CRB1: variants seen among roughly 807,000 people sequenced by gnomAD.
CRB1 encodes the protein protein crumbs homolog 1.
In CRB1, 83 loss-of-function variants were observed where a neutral mutation model predicts 120.0. That is an observed-to-expected ratio of 0.69 (90% CI 0.58 to 0.83). CRB1 has a LOEUF of 0.83. Among genes scored for constraint, CRB1 ranks in the 40% least tolerant of loss-of-function variants. The probability of loss-of-function intolerance (pLI) is 0.00; values close to 1 mark genes in which losing one functional copy is unlikely to be tolerated. For missense variants in CRB1, 1,699 were observed against 1,687.6 expected, an observed-to-expected ratio of 1.01 and a Z score of -0.12; for synonymous variants, 625 against 612.5, an observed-to-expected ratio of 1.02 and a Z score of -0.30.
chr1:197,428,708 A>G (rs573577437), intron 7 of CRB1, among the ~76,000 whole-genome samples: 22 of 152,334 alleles, frequency 1.4e-4, no homozygotes, highest in African/African-American at 5.1e-4. Context: ...ACTAGGCACT[A>G]TTTTACATGG....
At chr1:197,355,065 T>TTGGCCG (rs1558076583) in intron 4 of CRB1, among the ~76,000 whole-genome samples, 5 of 150,994 alleles carry the variant, frequency 3.3e-5, no homozygotes. Flanking sequence ...ACAGAGTGCC[T>TTGGCCG]ATTGTTGCAT....
the CRB1 span, among the ~76,000 whole-genome samples, chr1:197,249,527 G>A: frequency 6.6e-6 from 1 of 151,988 alleles, no homozygotes; most frequent in African/African-American, 2.4e-5. Flanking sequence ...TAATATGACA[G>A]GAAATAGTAC....
At chr1:197,293,880 A>G (rs2125242423) in intron 1 of CRB1, among the ~76,000 whole-genome samples, 1 of 152,280 alleles carries the variant, frequency 6.6e-6, no homozygotes, top group Middle Eastern at 3.4e-3. Context: ...CTGAAACTGG[A>G]TCCCTTCCTT....
chr1:197,471,708 G>T (rs1666986158), intron 11 of CRB1, among the ~76,000 whole-genome samples: 1 of 152,132 alleles, frequency 6.6e-6, no homozygotes, highest in South Asian at 2.1e-4. Context: ...AGTGGACAGT[G>T]TATTTATGGT....
At chr1:197,296,553 C>T (rs1396227323) in intron 1 of CRB1, among the ~76,000 whole-genome samples, 2 of 152,016 alleles carry the variant, frequency 1.3e-5, no homozygotes, top group African/African-American at 4.8e-5. Flanking sequence ...GACTTCAGAA[C>T]TAAAGTGAAG....
rs575938730 is a variant in CRB1 at position 197,376,267 on chromosome 1, C to T, written c.1171+19254C>T. Among the ~76,000 whole-genome samples, 8 of 152,114 alleles carry T rather than the reference C, an allele frequency of 5.3e-5. No homozygotes were observed. The South Asian group carries it at 1.5e-3, about 28-fold the overall frequency. ...CAACATCTAAATTTTTGTCTCCAGC[C>T]CTAGCTCCTCTCTTGAACTTCCCTT... On this transcript the variant is annotated intron_variant, in intron 5 of 11. Coordinates refer to ENST00000367400, the MANE Select transcript of CRB1 (RefSeq NM_201253.3).
intron 1 of CRB1, among the ~76,000 whole-genome samples, chr1:197,288,896 AGAGT>A (rs1418254014): frequency 1.3e-5 from 2 of 151,742 alleles, no homozygotes; most frequent in Non-Finnish European, 2.9e-5. Context: ...CCTGAAAAAG[AGAGT>A]GAGAATAAAA....
At chr1:197,223,080 G>A in the CRB1 span, 1 of 793,640 alleles carries the variant, frequency 1.3e-6, no homozygotes, top group Non-Finnish European at 2.3e-6. Context: ...AACCCAGCAA[G>A]TCCCTATAAC....
intron 1 of CRB1, among the ~76,000 whole-genome samples, chr1:197,327,292 C>A (rs182219701): frequency 1.3e-5 from 2 of 152,150 alleles, no homozygotes; most frequent in African/African-American, 4.8e-5. Flanking sequence ...CTTTCAGATT[C>A]TTGATTGATG....
chr1:197,238,360 C>T, the CRB1 span, among the ~76,000 whole-genome samples: 1 of 151,962 alleles, frequency 6.6e-6, no homozygotes, highest in Non-Finnish European at 1.5e-5. Context: ...CTATAATATG[C>T]TTATTTATAT....
chr1:197,282,624 G>A (rs1025056799), intron 1 of CRB1, among the ~76,000 whole-genome samples: 2 of 151,810 alleles, frequency 1.3e-5, no homozygotes, highest in African/African-American at 4.8e-5. Context: ...GTAAATTAAA[G>A]CAATTTAAAT....
chr1:197,416,286 T>A (rs1282796471), intron 5 of CRB1, among the ~76,000 whole-genome samples: 1 of 152,264 alleles, frequency 6.6e-6, no homozygotes, highest in African/African-American at 2.4e-5. Context: ...TATGAAGATT[T>A]CATATCTAAA....
At chr1:197,388,268 T>C (rs2125410551) in intron 5 of CRB1, among the ~76,000 whole-genome samples, 1 of 152,116 alleles carries the variant, frequency 6.6e-6, no homozygotes, top group South Asian at 2.1e-4. Context: ...ATCAAATAAA[T>C]GGCAAAAGCA....
intron 1 of CRB1, among the ~76,000 whole-genome samples, chr1:197,322,610 A>G (rs903780577): frequency 1.3e-5 from 2 of 152,118 alleles, no homozygotes; most frequent in South Asian, 4.1e-4. Flanking sequence ...AACATTCCAT[A>G]TGTAGCTCAC....
At chr1:197,220,104 C>T in the CRB1 span, among the ~76,000 whole-genome samples, 1 of 152,034 alleles carries the variant, frequency 6.6e-6, no homozygotes, top group South Asian at 2.1e-4. Context: ...CATCCTCTTT[C>T]TTTATTCTCC....
intron 11 of CRB1, among the ~76,000 whole-genome samples, chr1:197,473,487 A>C (rs1667066528): frequency 6.6e-6 from 1 of 152,204 alleles, no homozygotes; most frequent in African/African-American, 2.4e-5. Context: ...CAAATGAAAC[A>C]TCTATTTATT....
At chr1:197,432,405 T>C (rs963657300) in intron 8 of CRB1, among the ~76,000 whole-genome samples, 107 of 105,352 alleles carry the variant, frequency 1.0e-3, no homozygotes, top group African/African-American at 2.4e-3. Flanking sequence ...CACACACACA[T>C]AGTAAAAAAC....
intron 5 of CRB1, among the ~76,000 whole-genome samples, chr1:197,382,271 TGTAA>T (rs774682210): frequency 5.9e-5 from 9 of 152,172 alleles, no homozygotes; most frequent in Non-Finnish European, 1.3e-4. Context: ...GAAAGTTCAG[TGTAA>T]GTATTTGCCA....
chr1:197,426,785 T>C (rs1278849460), intron 6 of CRB1, among the ~76,000 whole-genome samples: 1 of 152,146 alleles, frequency 6.6e-6, no homozygotes, highest in African/African-American at 2.4e-5. Flanking sequence ...TTATGTGAGA[T>C]GTCATCCCAA....
Sources: gnomAD v4.1 joint callset for allele counts (sites outside exome capture counted in the v4.1 genomes callset) on GRCh38, gnomAD v4.1.1 for gene constraint, MANE v1.5 for transcripts, NCBI Gene and HGNC (gene_info 2026-07-23, HGNC 2026-07-21) for gene names.